GALNT16: variants seen among roughly 807,000 people sequenced by gnomAD.
GALNT16 encodes the protein UDP-GalNAc:polypeptide N-acetylgalactosaminyltransferase-like protein 1.
GALNT16 carries 40 observed loss-of-function variants against 76.1 expected under a neutral mutation model. That is an observed-to-expected ratio of 0.53 (90% CI 0.41 to 0.68). The LOEUF (loss-of-function observed/expected upper bound fraction) is 0.68. Ranked by LOEUF, GALNT16 falls within the 30% of genes least tolerant of loss-of-function variation. The probability of loss-of-function intolerance (pLI) is 0.00; values close to 1 mark genes in which losing one functional copy is unlikely to be tolerated. For synonymous variants in GALNT16, 276 were observed against 285.2 expected (o/e 0.97, Z 0.32); for missense variants, 621 against 731.9 (o/e 0.85, Z 1.75).
intron 2 of GALNT16, 132 bp downstream of exon 2, chr14:69,321,000 C>G: frequency 1.1e-6 from 1 of 935,050 alleles, no homozygotes; most frequent in Non-Finnish European, 1.6e-6. Flanking sequence ...TTTAGACATT[C>G]AAAAACCCTC....
intron 1 of GALNT16, among the ~76,000 whole-genome samples, chr14:69,269,609 TTA>T (rs2044381520): frequency 1.4e-5 from 2 of 147,552 alleles, no homozygotes; most frequent in Admixed American, 1.4e-4. Context: ...TGTATGTGTG[TTA>T]TATGTTGTGT....
Position 69,260,458 on chromosome 14 carries a change from C to A in GALNT16, c.168C>A (p.Ile56=). 2.0e-6 allele frequency: 3 copies of A among 1,527,084 alleles called. No homozygotes were observed. The highest frequency in any genetic ancestry group is 2.6e-6 in the Non-Finnish European group (3 of 1,137,886). 94.6% of individuals were successfully genotyped at this position (1,527,084 alleles called of 1,614,324 possible). Reference sequence around the variant, plus strand: ...AGCAGCTCCGCGAGGACCGCACCATCCCGCTCATTGTGAGTACGCCCCGAG... The same window carrying A: ...AGCAGCTCCGCGAGGACCGCACCATACCGCTCATTGTGAGTACGCCCCGAG... ...RSEQLREDRT[I]PLIVTGTPSK... The change falls in exon 1 of 15, where the codon ATC becomes ATA. Residue 56 remains isoleucine (I), a synonymous_variant. Coordinates refer to ENST00000448469, the MANE Select transcript of GALNT16 (RefSeq NM_001168368.2).
chr14:69,283,623 G>A (rs1230738040), intron 1 of GALNT16, among the ~76,000 whole-genome samples: 1 of 152,130 alleles, frequency 6.6e-6, no homozygotes, highest in African/African-American at 2.4e-5. Context: ...AACTGTCTGG[G>A]TTCAAATTTA....
chr14:69,366,993 G>A, the GALNT16 span, among the ~76,000 whole-genome samples: 1 of 152,170 alleles, frequency 6.6e-6, no homozygotes. Context: ...CCTGAATGGA[G>A]CCTTAACCTA....
intron 2 of GALNT16, among the ~76,000 whole-genome samples, chr14:69,323,689 G>A (rs935279245): frequency 1.3e-5 from 2 of 152,186 alleles, no homozygotes; most frequent in Non-Finnish European, 2.9e-5. Context: ...CCCTCTCAAG[G>A]AGAATTATTG....
intron 1 of GALNT16, among the ~76,000 whole-genome samples, chr14:69,266,069 C>T (rs906183983): frequency 2.6e-5 from 4 of 152,198 alleles, no homozygotes; most frequent in African/African-American, 4.8e-5. Flanking sequence ...TAAGTGCACC[C>T]GACACTAGGT....
chr14:69,326,165 C>A, intron 5 of GALNT16, 138 bp downstream of exon 5: 1 of 716,048 alleles, frequency 1.4e-6, no homozygotes. Context: ...CCAGGTTCTG[C>A]AGAAGACTCT....
intron 1 of GALNT16, among the ~76,000 whole-genome samples, chr14:69,316,151 C>T (rs2045097588): frequency 6.6e-6 from 1 of 152,230 alleles, no homozygotes; most frequent in African/African-American, 2.4e-5. Context: ...GACAGTCCTG[C>T]CAGAAGCCTA....
At chr14:69,266,333 A>G (rs1451933653) in intron 1 of GALNT16, among the ~76,000 whole-genome samples, 1 of 152,256 alleles carries the variant, frequency 6.6e-6, no homozygotes, top group Non-Finnish European at 1.5e-5. Context: ...ATTTTCTGTA[A>G]TAAGCATCCA....
At chr14:69,323,660 G>A (rs1196510536) in intron 2 of GALNT16, among the ~76,000 whole-genome samples, 1 of 152,106 alleles carries the variant, frequency 6.6e-6, no homozygotes, top group Non-Finnish European at 1.5e-5. Context: ...ATTTCCCTCC[G>A]CCACCACTAC....
chr14:69,328,274 TAAG>T (rs1286970169), intron 5 of GALNT16, among the ~76,000 whole-genome samples, 173 bp from the exon 6 acceptor site: 2 of 151,822 alleles, frequency 1.3e-5, no homozygotes, highest in Non-Finnish European at 2.9e-5. Context: ...GATGGGTGGA[TAAG>T]AAGAAGCAAG....
chr14:69,294,913 G>T (rs2044735600), intron 1 of GALNT16, among the ~76,000 whole-genome samples: 1 of 152,070 alleles, frequency 6.6e-6, no homozygotes, highest in Non-Finnish European at 1.5e-5. Context: ...CACCCATGTT[G>T]TAGTTTATAT....
At chr14:69,341,022 C>T (rs1435653408) in intron 11 of GALNT16, among the ~76,000 whole-genome samples, 1 of 152,164 alleles carries the variant, frequency 6.6e-6, no homozygotes, top group African/African-American at 2.4e-5. Flanking sequence ...AGTTATGTCA[C>T]TAAATATTTC....
At position 69,345,106 on chromosome 14, in the gene GALNT16, A is replaced by G. The variant is rs569437101; in HGVS notation, c.1272-1934A>G. On this transcript the variant is annotated intron_variant, in intron 12 of 14. Coordinates refer to ENST00000448469, the MANE Select transcript of GALNT16 (RefSeq NM_001168368.2). ...TAGTACCATTCTGGAATGCAAGCTC[A>G]TTGTGGCCTGATCTTCCAATTTTTA... Among the ~76,000 whole-genome samples, 6 of 152,350 alleles carry G rather than the reference A, an allele frequency of 3.9e-5. No individual in the cohort carries two copies. In the South Asian group the frequency reaches 1.2e-3, roughly 32 times the overall value.
chr14:69,262,096 C>G (rs544975782), intron 1 of GALNT16, among the ~76,000 whole-genome samples: 95 of 152,374 alleles, frequency 6.2e-4, no homozygotes, highest in Admixed American at 1.1e-3. Flanking sequence ...CACATTCATA[C>G]TCAGTGGCAG....
At chr14:69,360,611 AAAAGAAG>A (rs2045718245), downstream of GALNT16, among the ~76,000 whole-genome samples, 1 of 151,554 alleles carries the variant, frequency 6.6e-6, no homozygotes, top group Non-Finnish European at 1.5e-5. Context: ...GTCTAAAAAA[AAAAGAAG>A]AAGAAGAAGG....
chr14:69,273,809 T>C (rs926540015), intron 1 of GALNT16, among the ~76,000 whole-genome samples: 4 of 152,206 alleles, frequency 2.6e-5, no homozygotes, highest in African/African-American at 9.6e-5. Context: ...ACTGGCAAGA[T>C]AGGACATAGT....
At position 69,260,480 on chromosome 14, in the gene GALNT16, C is replaced by G. The variant is rs922877295; in HGVS notation, c.177+13C>G. Reference sequence around the variant, plus strand: ...CATCCCGCTCATTGTGAGTACGCCCCGAGCGTCGGCCGGCCGGCTAGGGAG... The same window carrying G: ...CATCCCGCTCATTGTGAGTACGCCCGGAGCGTCGGCCGGCCGGCTAGGGAG... On this transcript the variant is annotated intron_variant, in intron 1 of 14. Transcript: ENST00000448469. The G allele has an allele frequency of 6.6e-6, 9 of 1,372,296 alleles. No individual in the cohort carries two copies. Among genetic ancestry groups the G allele is most frequent in the Non-Finnish European group, 4.7e-6 (5 of 1,063,490 alleles). 85.0% of individuals were successfully genotyped at this position (1,372,296 alleles called of 1,614,324 possible).
chr14:69,325,331 C>T lies in GALNT16; in HGVS notation c.435-6C>T, dbSNP rs1335589860. On this transcript the variant is annotated splice_polypyrimidine_tract_variant and splice_region_variant and intron_variant, in intron 3 of 14. Transcript: ENST00000448469. Reference sequence around the variant, plus strand: ...GGCTCTTTCTCTGTTTCCACTGCTACTGTAGTGTCCTGAACCGAACTCCTG... The same window carrying T: ...GGCTCTTTCTCTGTTTCCACTGCTATTGTAGTGTCCTGAACCGAACTCCTG... The T allele has an allele frequency of 2.6e-6, 4 of 1,563,272 alleles. No individual in the cohort carries two copies. Among genetic ancestry groups the T allele is most frequent in the Non-Finnish European group, 2.6e-6 (3 of 1,133,588 alleles).
Sources: gnomAD v4.1 joint callset for allele counts (sites outside exome capture counted in the v4.1 genomes callset) on GRCh38, gnomAD v4.1.1 for gene constraint, MANE v1.5 for transcripts, NCBI Gene and HGNC (gene_info 2026-07-23, HGNC 2026-07-21) for gene names.